The following PADI2 variants were observed in gnomAD, a reference collection of about 807,000 sequenced individuals.
PADI2 encodes the protein protein-arginine deiminase type-2.
Under a neutral mutation model 81.1 loss-of-function variants are expected in PADI2, and 70 were observed. The ratio of observed to expected loss-of-function variants is 0.86; its 90% CI spans 0.71 to 1.05. The LOEUF (loss-of-function observed/expected upper bound fraction) is 1.05, where lower values mean the gene tolerates loss of function less well. PADI2 is among the 50% of genes least tolerant of loss of function. The pLI is 0.00. For missense variants in PADI2, 853 were observed against 889.9 expected (o/e 0.96, Z 0.53); for synonymous variants, 338 against 358.0 (o/e 0.94, Z 0.63).
At chr1:17,082,897 G>A (rs544704231) in intron 9 of PADI2, 3 of 398,728 alleles carry the variant, frequency 7.5e-6, no homozygotes, top group East Asian at 5.3e-5. Flanking sequence ...TTGAGACAGG[G>A]TCTCACTCTG....
At chr1:17,083,862 A>C in intron 8 of PADI2, 25 bp from the exon 9 acceptor site, 2 of 1,437,960 alleles carry the variant, frequency 1.4e-6, no homozygotes, top group Non-Finnish European at 2.0e-6. Context: ...GAAGAAGGAG[A>C]GGCCAGGAGA....
intron 8 of PADI2, 74 bp downstream of exon 8, chr1:17,084,525 T>C (rs746394451): frequency 2.3e-6 from 2 of 855,976 alleles, no homozygotes; most frequent in Non-Finnish European, 3.7e-6. Context: ...GGCCAGGAAC[T>C]AGACTCATGT....
At position 17,071,427 on chromosome 1, in the gene PADI2, C is replaced by T; in HGVS notation, c.1614G>A (p.Val538=). 1 of 1,613,504 alleles carries T rather than the reference C, an allele frequency of 6.2e-7. No individual in the cohort carries two copies. Among genetic ancestry groups the T allele is most frequent in the Non-Finnish European group, 8.5e-7 (1 of 1,179,352 alleles). Reference sequence around the variant, plus strand: ...TCACCTGGAAGTACAGGTTCTCCTGCACAAGGCTCTCGTTGGACAGAATCT... The same window carrying T: ...TCACCTGGAAGTACAGGTTCTCCTGTACAAGGCTCTCGTTGGACAGAATCT... ...INKILSNESL[V]QENLYFQRCL... The change falls in exon 14 of 16, where the codon GTG becomes GTA. Residue 538 remains valine, a synonymous_variant. Coordinates refer to ENST00000375486, the MANE Select transcript of PADI2 (RefSeq NM_007365.3).
At position 17,077,021 on chromosome 1, in the gene PADI2, C is replaced by T. The variant is rs544640854; in HGVS notation, c.1311-1198G>A. 7.9e-5 allele frequency among the ~76,000 whole-genome samples: 12 copies of T among 152,248 alleles called. No individual in the cohort carries two copies. In the East Asian group the frequency reaches 2.3e-3, roughly 29 times the overall value. ...TCCTCCCTCGCTTCCCTCCCTTCCC[C>T]CGGTTCTGTCTGCTCCAGCCACCTG... is the stretch of plus-strand genomic sequence containing the variant. On this transcript the variant is annotated intron_variant, in intron 11 of 15. Coordinates refer to ENST00000375486, the MANE Select transcript of PADI2 (RefSeq NM_007365.3).
intron 1 of PADI2, among the ~76,000 whole-genome samples, chr1:17,105,447 G>A (rs1283084158): frequency 1.3e-5 from 2 of 152,010 alleles, no homozygotes; most frequent in Admixed American, 1.3e-4. Context: ...CCAGGCTGGA[G>A]TGCAATGGCA....
rs1931869190 is a variant in PADI2, at chr1:17,119,406, G to T, written c.-35C>A. Reference sequence around the variant, plus strand: ...CGCAGTGCCCGCGCTCGCTGGTCCGGGGCGGCCGGGAGCACCTGCAGCAGG... The same window carrying T: ...CGCAGTGCCCGCGCTCGCTGGTCCGTGGCGGCCGGGAGCACCTGCAGCAGG... On this transcript the variant is annotated 5_prime_UTR_variant, in exon 1 of 16. Coordinates refer to ENST00000375486, the MANE Select transcript of PADI2 (RefSeq NM_007365.3). This position sits in a 1 kb window ranked among gnomAD's most constrained non-coding sequence, Gnocchi z 4.8. 2 of 1,487,320 alleles carry T rather than the reference G, an allele frequency of 1.3e-6. No individual in the cohort carries two copies. The highest frequency in any genetic ancestry group is 9.0e-7 in the Non-Finnish European group (1 of 1,108,142). 92.1% of individuals were successfully genotyped at this position (1,487,320 alleles called of 1,614,324 possible). A position where few individuals can be genotyped will look rare whatever the true frequency, so the allele number is the denominator to read the frequency against.
At position 17,073,952 on chromosome 1, in the gene PADI2, G is replaced by C. The variant is rs559079601; in HGVS notation, c.1549+904C>G. Among the ~76,000 whole-genome samples the C allele has an allele frequency of 1.3e-4, 20 of 152,300 alleles. 1 individual carries two copies. The South Asian group carries it at 4.1e-3, about 32-fold the overall frequency. On this transcript the variant is annotated intron_variant, in intron 13 of 15. Transcript: ENST00000375486. ...GTCTCACTTCTGGACTGACAACCAC[G>C]ATGTCTGACCATGCCTTTTGCCCAC... is the stretch of plus-strand genomic sequence containing the variant.
intron 8 of PADI2, 50 bp downstream of exon 8, chr1:17,084,549 C>A: frequency 8.4e-7 from 1 of 1,189,514 alleles, no homozygotes; most frequent in Non-Finnish European, 1.2e-6. Flanking sequence ...TCTGACTCGG[C>A]CCTTGGCCAC....
chr1:17,070,286 C>T (rs2101568674), intron 14 of PADI2, 70 bp from the exon 15 acceptor site: 1 of 1,588,358 alleles, frequency 6.3e-7, no homozygotes, highest in East Asian at 2.3e-5. Flanking sequence ...TCAACCCCAT[C>T]CCTGTCTGCA....
intron 3 of PADI2, among the ~76,000 whole-genome samples, chr1:17,098,619 C>T (rs1329627292): frequency 6.6e-6 from 1 of 152,204 alleles, no homozygotes; most frequent in Admixed American, 6.5e-5. Context: ...GGTTTCGTTA[C>T]CTTCCTGTTA....
chr1:17,081,332 T>C (rs1056330928), intron 10 of PADI2, among the ~76,000 whole-genome samples: 2 of 152,240 alleles, frequency 1.3e-5, no homozygotes, highest in African/African-American at 4.8e-5. Context: ...GAGACTGATA[T>C]CATTTCTATC....
chr1:17,075,412 C>T lies in PADI2; in HGVS notation c.1455+267G>A, dbSNP rs1016369480. ...GTGTGTCATGTGAGTAAAATCTTTG[C>T]CAGATTTTGAAGATTTAGTATGAGA... On this transcript the variant is annotated intron_variant, in intron 12 of 15. Coordinates refer to ENST00000375486, the MANE Select transcript of PADI2 (RefSeq NM_007365.3). 3.7e-4 allele frequency: 155 copies of T among 417,502 alleles called. 1 individual carries two copies. The highest frequency in any genetic ancestry group is 3.1e-3 in the African/African-American group (150 of 48,016). 25.9% of individuals were successfully genotyped at this position (417,502 alleles called of 1,614,324 possible).
At chr1:17,070,696 C>G (rs1364311618) in intron 14 of PADI2, among the ~76,000 whole-genome samples, 1 of 152,150 alleles carries the variant, frequency 6.6e-6, no homozygotes, top group Admixed American at 6.5e-5. Context: ...GAGTCTCACT[C>G]TGTTGCCCAC....
intron 3 of PADI2, 93 bp from the exon 4 acceptor site, chr1:17,096,063 GC>G: frequency 1.1e-6 from 1 of 917,546 alleles, no homozygotes; most frequent in Non-Finnish European, 1.7e-6. Context: ...GTGCGTCTCA[GC>G]CATTCATTTG....
At chr1:17,111,081 CCTT>C (rs1931564052) in intron 1 of PADI2, among the ~76,000 whole-genome samples, 1 of 135,288 alleles carries the variant, frequency 7.4e-6, no homozygotes, top group Non-Finnish European at 1.6e-5. Flanking sequence ...AAAAGACAGA[CCTT>C]TTTTTTTTTT....
At chr1:17,104,435 T>TTTTTC (rs1553183724) in intron 2 of PADI2, among the ~76,000 whole-genome samples, 9 of 73,632 alleles carry the variant, frequency 1.2e-4, no homozygotes, top group Non-Finnish European at 2.6e-4. Flanking sequence ...CCTTTTCTTT[T>TTTTTC]TTTTTTTTTT....
In PADI2 at chr1:17,102,977, G is replaced by T; in HGVS notation, c.349+10C>A. ...ATGAAGGCACTGAGACGGCAACCAT[G>T]CCAACTCACCAATGGCTGTGAGGAA... is the stretch of plus-strand genomic sequence containing the variant. On this transcript the variant is annotated intron_variant, in intron 3 of 15. Transcript: ENST00000375486. 6.2e-7 allele frequency: 1 copy of T among 1,603,956 alleles called. No individual in the cohort carries two copies. The highest frequency in any genetic ancestry group is 8.5e-7 in the Non-Finnish European group (1 of 1,172,490).
intron 1 of PADI2, among the ~76,000 whole-genome samples, chr1:17,111,307 C>T (rs1401876136): frequency 1.3e-5 from 2 of 151,878 alleles, no homozygotes; most frequent in African/African-American, 4.8e-5. Flanking sequence ...GTTGTCCAGG[C>T]TGGTTTGGGA....
chr1:17,094,197 G>C (rs1930818975), intron 4 of PADI2, among the ~76,000 whole-genome samples: 1 of 152,190 alleles, frequency 6.6e-6, no homozygotes, highest in Non-Finnish European at 1.5e-5. Flanking sequence ...GCCAGGTCAG[G>C]GGCTCCCAGT....
Sources: gnomAD v4.1 joint callset for allele counts (sites outside exome capture counted in the v4.1 genomes callset) on GRCh38, gnomAD v4.1.1 for gene constraint, Gnocchi (gnomAD v3.1) non-coding constraint, MANE v1.5 for transcripts, NCBI Gene and HGNC (gene_info 2026-07-23, HGNC 2026-07-21) for gene names.